The following PDE10A variants were observed in gnomAD, a reference collection of about 807,000 sequenced individuals.
The protein encoded by PDE10A is phosphodiesterase 10A.
Under a neutral mutation model 97.7 loss-of-function variants are expected in PDE10A, and 39 were observed. The observed-to-expected ratio is 0.40, with a 90% CI of 0.31 to 0.52. PDE10A has a LOEUF of 0.52. Ranked by LOEUF, PDE10A falls within the 20% of genes least tolerant of loss-of-function variation. The pLI is 0.56. For missense variants in PDE10A, 731 were observed against 1,047.8 expected (o/e 0.70, Z 4.17); for synonymous variants, 371 against 376.8 (o/e 0.98, Z 0.18).
chr6:165,751,852 T>C (rs1404691413), intron 1 of PDE10A, among the ~76,000 whole-genome samples: 1 of 151,054 alleles, frequency 6.6e-6, no homozygotes, highest in African/African-American at 2.4e-5. Context: ...TGAAAGTGAG[T>C]AAATGGGCCA....
At chr6:165,619,455 T>C (rs1477559341) in intron 1 of PDE10A, among the ~76,000 whole-genome samples, 2 of 84,248 alleles carry the variant, frequency 2.4e-5, no homozygotes, top group East Asian at 3.6e-4. Flanking sequence ...TAGTCTAGTG[T>C]AGTGTAGTCT....
chr6:165,453,595 C>A (rs1309872703), intron 3 of PDE10A, among the ~76,000 whole-genome samples: 2 of 152,226 alleles, frequency 1.3e-5, no homozygotes, highest in African/African-American at 4.8e-5. Context: ...TGAGCCCCAG[C>A]CACGGTTCAA....
chr6:165,944,227 T>G (rs1443752449), intron 1 of PDE10A, among the ~76,000 whole-genome samples: 4 of 152,206 alleles, frequency 2.6e-5, no homozygotes, highest in African/African-American at 9.6e-5. Flanking sequence ...TTCAATTACC[T>G]CTCACTGGTT....
rs372850127 is a variant in PDE10A at position 165,914,744 on chromosome 6, T to G, written c.-615+72785A>C. Among the ~76,000 whole-genome samples, 5 of 152,332 alleles carry G rather than the reference T, an allele frequency of 3.3e-5. No individual in the cohort carries two copies. In the South Asian group the frequency reaches 1.0e-3, roughly 32 times the overall value. Reference sequence around the variant, plus strand: ...GTTTCCTTCTGTCTATATTTCAGTGTGTTTGTCATCTCATAAATGGTGTCA... The same window carrying G: ...GTTTCCTTCTGTCTATATTTCAGTGGGTTTGTCATCTCATAAATGGTGTCA... On this transcript the variant is annotated intron_variant, in intron 1 of 19. Coordinates refer to the PDE10A transcript ENST00000366882.
intron 15 of PDE10A, among the ~76,000 whole-genome samples, chr6:165,393,542 G>A (rs977468436): frequency 2.0e-5 from 3 of 151,394 alleles, no homozygotes; most frequent in African/African-American, 7.3e-5. Flanking sequence ...AAAAAAAAAA[G>A]TAACCTGTGT....
chr6:165,629,797 G>A (rs1190788859), intron 1 of PDE10A, among the ~76,000 whole-genome samples: 1 of 152,146 alleles, frequency 6.6e-6, no homozygotes, highest in African/African-American at 2.4e-5. Context: ...GCCTCCCACA[G>A]TGCTGGGATT....
intron 1 of PDE10A, among the ~76,000 whole-genome samples, chr6:165,969,673 T>C (rs1243819986): frequency 6.6e-6 from 1 of 152,190 alleles, no homozygotes; most frequent in Non-Finnish European, 1.5e-5. Flanking sequence ...TGTATATGTA[T>C]ACATGTCTCA....
In PDE10A at chr6:165,661,724, G is replaced by C. The variant is rs1000992317; in HGVS notation, c.865+223C>G. 4.5e-6 allele frequency: 2 copies of C among 440,202 alleles called. No homozygotes were observed. The highest frequency in any genetic ancestry group is 4.2e-5 in the African/African-American group (2 of 48,024). The allele number at this position is 440,202 out of a possible 1,614,324, so 27.3% of individuals were successfully genotyped here. The stretch of plus-strand genomic sequence containing the variant: ...CGAGCCGCCCTTCCCCCGAGCGCTC[G>C]CGGAGCCTGGGAAACCCCGGCGTCC... On this transcript the variant is annotated intron_variant, in intron 1 of 21. Coordinates refer to ENST00000539869, the MANE Select transcript of PDE10A (RefSeq NM_001385079.1). The surrounding 1 kb of genome is among the most constrained non-coding windows in gnomAD (Gnocchi z 4.8).
At chr6:165,767,662 A>T (rs928883059) in intron 1 of PDE10A, among the ~76,000 whole-genome samples, 5 of 152,186 alleles carry the variant, frequency 3.3e-5, no homozygotes, top group Admixed American at 6.5e-5. Context: ...TTCTATGGAT[A>T]TATTTTGTTT....
chr6:165,595,932 A>G (rs1786560312), intron 1 of PDE10A, among the ~76,000 whole-genome samples: 1 of 152,236 alleles, frequency 6.6e-6, no homozygotes, highest in Non-Finnish European at 1.5e-5. Context: ...TATGTTCAAC[A>G]TATGAATTTT....
chr6:165,701,660 T>TGTGTGC (rs964039143), intron 1 of PDE10A, among the ~76,000 whole-genome samples: 6 of 110,802 alleles, frequency 5.4e-5, no homozygotes, highest in African/African-American at 2.4e-4. Flanking sequence ...TGTGTGTGTG[T>TGTGTGC]GTGCATGTAT....
At chr6:165,957,696 G>A (rs753493774) in intron 1 of PDE10A, among the ~76,000 whole-genome samples, 10 of 152,110 alleles carry the variant, frequency 6.6e-5, no homozygotes, top group Admixed American at 6.5e-5. Flanking sequence ...CTGTGCTTGG[G>A]CATTGTGAAG....
chr6:165,898,081 C>T (rs868566022), intron 1 of PDE10A, among the ~76,000 whole-genome samples: 9 of 151,146 alleles, frequency 6.0e-5, no homozygotes, highest in African/African-American at 2.0e-4. Flanking sequence ...TCCTACCTTG[C>T]GCTGGGGAGG....
At chr6:165,510,809 G>C (rs932554885) in intron 2 of PDE10A, among the ~76,000 whole-genome samples, 12 of 152,026 alleles carry the variant, frequency 7.9e-5, no homozygotes, top group African/African-American at 2.9e-4. Flanking sequence ...CAGTTTGTTA[G>C]TGTATAGTTG....
intron 1 of PDE10A, among the ~76,000 whole-genome samples, chr6:165,725,707 T>C (rs1184685400): frequency 2.0e-5 from 3 of 152,182 alleles, no homozygotes; most frequent in African/African-American, 2.4e-5. Context: ...CCATTTCTAC[T>C]TATTCCTCCG....
intron 16 of PDE10A, among the ~76,000 whole-genome samples, chr6:165,392,286 T>C (rs1293191541): frequency 6.6e-6 from 1 of 152,206 alleles, no homozygotes; most frequent in African/African-American, 2.4e-5. Flanking sequence ...TTGAATGCTC[T>C]AGGTTCTCAA....
chr6:165,902,397 A>G (rs749824217), intron 1 of PDE10A, among the ~76,000 whole-genome samples: 1 of 152,216 alleles, frequency 6.6e-6, no homozygotes, highest in Non-Finnish European at 1.5e-5. Flanking sequence ...TTCAAGGTCA[A>G]ATGATCAGCT....
In PDE10A at chr6:165,431,447, G is replaced by A. The variant is rs1001483939; in HGVS notation, c.1517C>T (p.Ala506Val). ...CTGCACCTGATGTATTGCTACTGAA[G>A]CCCAGGCAAGATTTGCTGTTGCAAC... ...QEVATANLAW[A>V]SVAIHQVQVC... The change falls in exon 8 of 22, where the codon GCT (alanine) becomes GTT (valine). Residue 506 changes from alanine (A) to valine (V), a missense_variant. Transcript: ENST00000539869. 13 of 1,598,330 alleles carry A rather than the reference G, an allele frequency of 8.1e-6. No homozygotes were observed. Among genetic ancestry groups the A allele is most frequent in the Admixed American group, 1.7e-5 (1 of 59,144 alleles).
intron 1 of PDE10A, among the ~76,000 whole-genome samples, chr6:165,923,354 G>T (rs1047842476): frequency 6.6e-6 from 1 of 152,194 alleles, no homozygotes; most frequent in African/African-American, 2.4e-5. Flanking sequence ...AAAGAACAAG[G>T]CCTATTCCAG....
Sources: allele counts gnomAD v4.1 joint callset (sites outside exome capture counted in the v4.1 genomes callset), GRCh38; gene constraint gnomAD v4.1.1; non-coding constraint Gnocchi (gnomAD v3.1); transcripts MANE v1.5; gene names NCBI Gene and HGNC (gene_info 2026-07-23, HGNC 2026-07-21).